DLG2: variants seen among roughly 807,000 people sequenced by gnomAD.
DLG2 encodes disks large homolog 2.
Under a neutral mutation model 132.5 loss-of-function variants are expected in DLG2, and 45 were observed. That is an observed-to-expected ratio of 0.34 (90% CI 0.27 to 0.44). The LOEUF (loss-of-function observed/expected upper bound fraction) is 0.44. Ranked by LOEUF, DLG2 falls within the 20% of genes least tolerant of loss-of-function variation. The probability of loss-of-function intolerance (pLI) is 1.00; values close to 1 mark genes in which losing one functional copy is unlikely to be tolerated. For synonymous variants in DLG2, 424 were observed against 419.6 expected (o/e 1.01, Z -0.13); for missense variants, 1,045 against 1,196.9 (o/e 0.87, Z 1.87).
At chr11:84,802,117 A>AAAAAAAGCAAAAAAT (rs1555228117) in intron 6 of DLG2, among the ~76,000 whole-genome samples, 5 of 151,964 alleles carry the variant, frequency 3.3e-5, no homozygotes, top group African/African-American at 4.8e-5. Context: ...AAAGCAAAAA[A>AAAAAAAGCAAAAAAT]AAAAAAGCAT....
chr11:84,534,561 A>G lies in DLG2; in HGVS notation c.519+9T>C, dbSNP rs2099350840. On this transcript the variant is annotated intron_variant, in intron 7 of 27. Transcript: ENST00000376104. ...CCAACTATAAAGTCGGAAGAGCAATATAACTGACCTTCAGAGGAGAAATAT... is the reference window on the plus strand; with the variant it reads ...CCAACTATAAAGTCGGAAGAGCAATGTAACTGACCTTCAGAGGAGAAATAT... The G allele has an allele frequency of 1.2e-6, 2 of 1,613,018 alleles. No individual in the cohort carries two copies. The highest frequency in any genetic ancestry group is 1.7e-5 in the Admixed American group (1 of 60,002).
chr11:83,498,772 AT>A (rs1323888985), intron 21 of DLG2, among the ~76,000 whole-genome samples: 3 of 129,210 alleles, frequency 2.3e-5, no homozygotes, highest in African/African-American at 8.5e-5. Flanking sequence ...GGGAAGAAAA[AT>A]CTTTTTTTTT....
intron 7 of DLG2, among the ~76,000 whole-genome samples, chr11:84,404,068 A>T (rs571879157): frequency 6.6e-6 from 1 of 152,076 alleles, no homozygotes; most frequent in African/African-American, 2.4e-5. Context: ...TTCAAATTGT[A>T]TTATTGCTTT....
chr11:83,682,114 A>G (rs1413002637), intron 18 of DLG2: 1 of 985,154 alleles, frequency 1.0e-6, no homozygotes, highest in Non-Finnish European at 1.2e-6. Context: ...ACGTTTGCCA[A>G]GCTTATTCAA....
chr11:83,682,444 G>GAC, intron 18 of DLG2: 2 of 985,300 alleles, frequency 2.0e-6, no homozygotes, highest in Non-Finnish European at 2.4e-6. Flanking sequence ...TAGAAGCAGT[G>GAC]ACAGTAATTG....
chr11:84,871,649 G>A (rs918539206), intron 6 of DLG2, among the ~76,000 whole-genome samples: 1 of 151,558 alleles, frequency 6.6e-6, no homozygotes, highest in Non-Finnish European at 1.5e-5. Context: ...ATTACTGGTG[G>A]GATAGAGAAC....
Position 84,705,821 on chromosome 11 carries a change from T to C in DLG2, c.358-171090A>G, listed in dbSNP as rs530145144. ...ATGGGTGTCATTATTCAACAGGTCC[T>C]TCTTTGAAATTAACACTAGGTCTCA... is the stretch of plus-strand genomic sequence containing the variant. On this transcript the variant is annotated intron_variant, in intron 6 of 27. Coordinates refer to ENST00000376104, the MANE Select transcript of DLG2 (RefSeq NM_001142699.3). Among the ~76,000 whole-genome samples the C allele has an allele frequency of 9.2e-5, 14 of 151,944 alleles. No individual in the cohort carries two copies. The East Asian group carries it at 2.7e-3, about 30-fold the overall frequency.
At chr11:83,891,604 A>G (rs185096851) in intron 15 of DLG2, among the ~76,000 whole-genome samples, 16 of 152,306 alleles carry the variant, frequency 1.1e-4, no homozygotes, top group Non-Finnish European at 1.9e-4. Flanking sequence ...AGTTCTGAAG[A>G]AGACTGGCAT....
At chr11:83,676,711 T>C (rs539298049) in intron 18 of DLG2, among the ~76,000 whole-genome samples, 88 of 152,160 alleles carry the variant, frequency 5.8e-4, no homozygotes, top group African/African-American at 2.1e-3. Flanking sequence ...ATTCTGCCTT[T>C]CCACCTAGAA....
chr11:84,353,120 AAG>A (rs1276232508), intron 7 of DLG2, among the ~76,000 whole-genome samples: 1 of 152,074 alleles, frequency 6.6e-6, no homozygotes, highest in Non-Finnish European at 1.5e-5. Flanking sequence ...ACCTCTCAAA[AAG>A]AGTTTTCTCT....
chr11:83,479,880 T>C (rs1024485166), intron 22 of DLG2, among the ~76,000 whole-genome samples: 4 of 152,058 alleles, frequency 2.6e-5, no homozygotes, highest in Non-Finnish European at 1.5e-5. Context: ...AAAAGATTAA[T>C]CAAAGAGAAA....
intron 5 of DLG2, among the ~76,000 whole-genome samples, chr11:85,127,139 T>G (rs966225868): frequency 2.6e-5 from 4 of 152,124 alleles, no homozygotes; most frequent in Admixed American, 1.3e-4. Flanking sequence ...CTGATCTATC[T>G]CTGCATCCTC....
At chr11:85,584,812 T>C (rs531460429) in intron 3 of DLG2, among the ~76,000 whole-genome samples, 3 of 152,338 alleles carry the variant, frequency 2.0e-5, no homozygotes, top group East Asian at 3.9e-4. Flanking sequence ...TTGAGAATTA[T>C]CTATTCATAT....
At chr11:85,362,709 T>G (rs796273067) in intron 3 of DLG2, among the ~76,000 whole-genome samples, 8 of 152,220 alleles carry the variant, frequency 5.3e-5, no homozygotes, top group African/African-American at 1.7e-4. Context: ...TTTTAGTAAA[T>G]AAATGAAATT....
At chr11:83,660,597 A>T (rs1379550299) in intron 18 of DLG2, among the ~76,000 whole-genome samples, 1 of 152,070 alleles carries the variant, frequency 6.6e-6, no homozygotes, top group South Asian at 2.1e-4. Flanking sequence ...ACCTATAGCC[A>T]TTTTCTACAA....
At chr11:85,005,140 T>C (rs2058540431) in intron 6 of DLG2, among the ~76,000 whole-genome samples, 1 of 152,214 alleles carries the variant, frequency 6.6e-6, no homozygotes, top group South Asian at 2.1e-4. Context: ...CCTTGTAGTA[T>C]AGTTTGAAGT....
chr11:84,171,056 G>A (rs927050455), intron 8 of DLG2, among the ~76,000 whole-genome samples: 4 of 152,034 alleles, frequency 2.6e-5, no homozygotes, highest in Non-Finnish European at 5.9e-5. Flanking sequence ...GGCTCCACTC[G>A]AGGACATTAC....
At chr11:84,727,040 G>T (rs1259572315) in intron 6 of DLG2, among the ~76,000 whole-genome samples, 2 of 152,196 alleles carry the variant, frequency 1.3e-5, no homozygotes, top group Admixed American at 1.3e-4. Context: ...CTCCCATTCT[G>T]TAGGTTGCCT....
At chr11:85,438,924 T>A (rs2091632486) in intron 3 of DLG2, among the ~76,000 whole-genome samples, 1 of 152,242 alleles carries the variant, frequency 6.6e-6, no homozygotes, top group African/African-American at 2.4e-5. Context: ...GTTATGTAAA[T>A]GGAATCAATC....
Sources: allele counts gnomAD v4.1 joint callset (sites outside exome capture counted in the v4.1 genomes callset), GRCh38; gene constraint gnomAD v4.1.1; transcripts MANE v1.5; gene names NCBI Gene and HGNC (gene_info 2026-07-23, HGNC 2026-07-21).